Variants in PDE10A observed in about 807,000 individuals in gnomAD.
The protein encoded by PDE10A is cAMP and cAMP-inhibited cGMP 3',5'-cyclic phosphodiesterase 10A.
Under a neutral mutation model 97.7 loss-of-function variants are expected in PDE10A, and 39 were observed. The ratio of observed to expected loss-of-function variants is 0.40; its 90% CI spans 0.31 to 0.52. PDE10A has a LOEUF of 0.52. PDE10A is among the 20% of genes least tolerant of loss of function. The pLI is 0.56. For synonymous variants in PDE10A, 371 were observed against 376.8 expected, an observed-to-expected ratio of 0.98 and a Z score of 0.18; for missense variants, 731 against 1,047.8, an observed-to-expected ratio of 0.70 and a Z score of 4.17.
chr6:165,450,010 T>C lies in PDE10A; in HGVS notation c.1144+232A>G, dbSNP rs1253218716. Among the ~76,000 whole-genome samples, 3 of 152,228 alleles carry C rather than the reference T, an allele frequency of 2.0e-5. No individual in the cohort carries two copies. In the East Asian group the frequency reaches 5.8e-4, roughly 29 times the overall value. On this transcript the variant is annotated intron_variant, in intron 4 of 21. Transcript: ENST00000539869. ...TAGGTGTTAATTAGAAGGCATAGTA[T>C]ATTACCTGTATATATCAGGCAGATA...
In PDE10A at chr6:165,813,502, T is replaced by A. The variant is rs146875224; in HGVS notation, c.-615+174027A>T. 4.2e-4 allele frequency among the ~76,000 whole-genome samples: 64 copies of A among 152,282 alleles called. No individual in the cohort carries two copies. The East Asian group carries it at 0.012, about 29-fold the overall frequency. On this transcript the variant is annotated intron_variant, in intron 1 of 19. Transcript: ENST00000366882. ...AAAGAAAAACATTGACGATCCTACA[T>A]CCTAGGCTCCTTCCCGACTTCTGAC...
intron 1 of PDE10A, among the ~76,000 whole-genome samples, chr6:165,839,888 C>G (rs1429322864): frequency 6.6e-6 from 1 of 152,004 alleles, no homozygotes; most frequent in Non-Finnish European, 1.5e-5. Context: ...CCTCTGTCTC[C>G]ATCCCCATTC....
intron 1 of PDE10A, among the ~76,000 whole-genome samples, chr6:165,674,763 T>C (rs1220312586): frequency 1.3e-5 from 2 of 151,680 alleles, no homozygotes; most frequent in African/African-American, 4.9e-5. Context: ...AATGTGTACA[T>C]AGTCAGTTGC....
At chr6:165,701,650 T>TGTGC (rs1400315909) in intron 1 of PDE10A, among the ~76,000 whole-genome samples, 2 of 116,096 alleles carry the variant, frequency 1.7e-5, no homozygotes, top group African/African-American at 7.3e-5. Context: ...TTCATGTATG[T>TGTGC]GTGTGTGTGT....
At chr6:165,822,121 C>T (rs1262720875) in intron 1 of PDE10A, among the ~76,000 whole-genome samples, 2 of 152,202 alleles carry the variant, frequency 1.3e-5, no homozygotes, top group Admixed American at 6.5e-5. Context: ...TGCTTAGCAA[C>T]GGGGACATAT....
At chr6:165,633,442 T>A (rs562635204) in intron 1 of PDE10A, among the ~76,000 whole-genome samples, 10 of 151,926 alleles carry the variant, frequency 6.6e-5, no homozygotes, top group African/African-American at 2.4e-4. Context: ...GCTACAGAAA[T>A]TACAGAGTAG....
intron 1 of PDE10A, among the ~76,000 whole-genome samples, chr6:165,730,124 ATATATG>A (rs1792393784): frequency 6.6e-6 from 1 of 151,408 alleles, no homozygotes; most frequent in Non-Finnish European, 1.5e-5. Flanking sequence ...TCTTGGAGAT[ATATATG>A]TATATGAATA....
chr6:165,864,215 A>G (rs1449050016), intron 1 of PDE10A, among the ~76,000 whole-genome samples: 3 of 152,276 alleles, frequency 2.0e-5, no homozygotes, highest in African/African-American at 7.2e-5. Context: ...CCTGCTTATA[A>G]AACTTTAAAG....
chr6:165,731,397 C>T (rs1036205558), intron 1 of PDE10A, among the ~76,000 whole-genome samples: 3 of 152,060 alleles, frequency 2.0e-5, no homozygotes, highest in African/African-American at 7.3e-5. Context: ...GACAACTGAA[C>T]CTGAAGGAAA....
At chr6:165,428,767 C>T (rs1163250758) in intron 9 of PDE10A, 58 bp from the exon 10 acceptor site, 2 of 635,364 alleles carry the variant, frequency 3.1e-6, no homozygotes, top group African/African-American at 1.9e-5. Flanking sequence ...GTACATATTA[C>T]ACTTTGAATT....
chr6:165,794,598 C>T (rs751547931), intron 1 of PDE10A, among the ~76,000 whole-genome samples: 2 of 152,078 alleles, frequency 1.3e-5, no homozygotes, highest in Non-Finnish European at 2.9e-5. Context: ...TATTCACTCA[C>T]ACACTCATAC....
chr6:165,590,536 T>C (rs1484072867), intron 1 of PDE10A, among the ~76,000 whole-genome samples: 4 of 152,226 alleles, frequency 2.6e-5, no homozygotes. Flanking sequence ...TACAAAACTG[T>C]AGCCTCCTTT....
Position 165,450,376 on chromosome 6 carries a change from A to G in PDE10A, c.1024-14T>C. The G allele has an allele frequency of 6.8e-7, 1 of 1,465,512 alleles. No homozygotes were observed. Among genetic ancestry groups the G allele is most frequent in the Non-Finnish European group, 9.4e-7 (1 of 1,065,716 alleles). The allele number at this position is 1,465,512 out of a possible 1,614,324, so 90.8% of individuals were successfully genotyped here. On this transcript the variant is annotated splice_polypyrimidine_tract_variant and intron_variant, in intron 3 of 21. Transcript: ENST00000539869. ...CGTATCTTGGTACTTTGGATTAAAAATAACAAAAATAAAAACAGAGTTTAA... is the reference window on the plus strand; with the variant it reads ...CGTATCTTGGTACTTTGGATTAAAAGTAACAAAAATAAAAACAGAGTTTAA...
At chr6:165,367,540 C>A (rs527769793) in intron 18 of PDE10A, among the ~76,000 whole-genome samples, 48 of 151,960 alleles carry the variant, frequency 3.2e-4, no homozygotes, top group Admixed American at 5.2e-4. Context: ...CTGAAATCAG[C>A]AGCCCACAGA....
chr6:165,778,544 A>G (rs1157726003), intron 1 of PDE10A, among the ~76,000 whole-genome samples: 1 of 152,158 alleles, frequency 6.6e-6, no homozygotes, highest in Non-Finnish European at 1.5e-5. Flanking sequence ...GCCCAGATGC[A>G]TGCAAGTTTC....
intron 1 of PDE10A, among the ~76,000 whole-genome samples, chr6:165,712,083 G>C (rs1408847814): frequency 6.6e-6 from 1 of 152,152 alleles, no homozygotes; most frequent in African/African-American, 2.4e-5. Flanking sequence ...GGTGAAGTGA[G>C]TGGACATCAA....
intron 2 of PDE10A, among the ~76,000 whole-genome samples, chr6:165,493,262 A>G (rs1780330058): frequency 6.6e-6 from 1 of 152,190 alleles, no homozygotes; most frequent in Non-Finnish European, 1.5e-5. Flanking sequence ...CAGACTGCCA[A>G]AAGTAATCTA....
intron 3 of PDE10A, among the ~76,000 whole-genome samples, chr6:165,473,186 G>GT (rs1779109794): frequency 6.6e-6 from 1 of 152,114 alleles, no homozygotes; most frequent in Non-Finnish European, 1.5e-5. Context: ...TTATAGCATA[G>GT]TAAAAAACAG....
At chr6:165,782,587 C>G (rs150220576) in intron 1 of PDE10A, among the ~76,000 whole-genome samples, 40 of 152,204 alleles carry the variant, frequency 2.6e-4, no homozygotes, top group African/African-American at 8.9e-4. Context: ...AATTATCCAA[C>G]CCTCCCCTGA....
Sources: allele counts gnomAD v4.1 joint callset (sites outside exome capture counted in the v4.1 genomes callset), GRCh38; gene constraint gnomAD v4.1.1; transcripts MANE v1.5; gene names NCBI Gene and HGNC (gene_info 2026-07-23, HGNC 2026-07-21).